KDM5C: variants seen among roughly 807,000 people sequenced by gnomAD.
The protein encoded by KDM5C is lysine-specific demethylase 5C.
A neutral mutation model predicts 110.6 loss-of-function variants in KDM5C; 16 were observed. The observed-to-expected ratio is 0.14, with a 90% CI of 0.10 to 0.22. The LOEUF is 0.22. KDM5C is among the 10% of genes least tolerant of loss of function. The pLI is 1.00. For missense variants in KDM5C, 681 were observed against 1,300.9 expected (o/e 0.52, Z 7.33); for synonymous variants, 511 against 520.4 (o/e 0.98, Z 0.24).
At chrX:53,218,590 T>C in intron 2 of KDM5C, 192 bp from the exon 3 acceptor site, 2 of 521,793 alleles carry the variant, frequency 3.8e-6, no homozygotes, top group Non-Finnish European at 6.6e-6. Flanking sequence ...TCGTTTTTGT[T>C]TTTTTGAGAC....
chrX:53,191,269 A>G (rs1384570850), downstream of KDM5C: 3 of 169,925 alleles, frequency 1.8e-5, no homozygotes, highest in Admixed American at 2.4e-4. Context: ...CTATGGGACC[A>G]TTAATGGGCT....
chrX:53,208,918 C>T (rs1021645137), intron 12 of KDM5C, among the ~76,000 whole-genome samples: 2 of 99,825 alleles, frequency 2.0e-5, no homozygotes, highest in African/African-American at 3.7e-5. Context: ...CGGGTTCAAG[C>T]GATTCTCCTG....
chrX:53,197,728 C>T, intron 18 of KDM5C, 43 bp downstream of exon 18: 1 of 1,060,372 alleles, frequency 9.4e-7, no homozygotes, highest in Non-Finnish European at 1.3e-6. Flanking sequence ...GCTCAGGTCC[C>T]CTGGTCCCCT....
At chrX:53,199,984 G>A (rs1198137852) in intron 14 of KDM5C, among the ~76,000 whole-genome samples, 3 of 111,068 alleles carry the variant, frequency 2.7e-5, no homozygotes, top group African/African-American at 9.8e-5. Flanking sequence ...TAACGTCTCT[G>A]GGTCTGTTTC....
At chrX:53,211,110 A>G (rs1023071935) in intron 10 of KDM5C, among the ~76,000 whole-genome samples, 3 of 112,074 alleles carry the variant, frequency 2.7e-5, no homozygotes, top group Non-Finnish European at 3.8e-5. Context: ...AGTTAAAAAA[A>G]TCCTGCTCTG....
chrX:53,223,759 C>T (rs782230667), intron 1 of KDM5C, among the ~76,000 whole-genome samples: 4 of 111,590 alleles, frequency 3.6e-5, no homozygotes, highest in Non-Finnish European at 7.5e-5. Flanking sequence ...GACAGAATTC[C>T]ATGGCTCCAT....
At position 53,224,977 on chromosome X, in the gene KDM5C, T is replaced by C; in HGVS notation, c.-88A>G. ...CCGCCGCTGTTTGAAGCCGAGGCAA[T>C]GCTCGGAGGCTAGGCCCTAAGCGGG... On this transcript the variant is annotated 5_prime_UTR_variant, in exon 1 of 26. Transcript: ENST00000375401. 1.9e-6 allele frequency: 2 copies of C among 1,048,513 alleles called. No individual in the cohort carries two copies. Among genetic ancestry groups the C allele is most frequent in the Non-Finnish European group, 2.5e-6 (2 of 793,809 alleles). The allele number at this position is 1,048,513 out of a possible 1,213,427, so 86.4% of individuals were successfully genotyped here. A position where few individuals can be genotyped will look rare whatever the true frequency, so the allele number is the denominator to read the frequency against.
chrX:53,209,866 T>A (rs781831599), intron 12 of KDM5C, among the ~76,000 whole-genome samples: 1 of 112,517 alleles, frequency 8.9e-6, no homozygotes, highest in South Asian at 3.7e-4. Context: ...TTTGACCTGT[T>A]AAATAAAAAG....
At chrX:53,215,621 GCT>G (rs782565173) in intron 7 of KDM5C, 172 bp downstream of exon 7, 44 of 493,899 alleles carry the variant, frequency 8.9e-5, no homozygotes, top group Admixed American at 8.3e-4. Flanking sequence ...ACCCTTTCTT[GCT>G]CTTTGTTCCA....
chrX:53,201,485 G>A, intron 14 of KDM5C, 65 bp downstream of exon 14: 1 of 1,053,109 alleles, frequency 9.5e-7, no homozygotes, highest in African/African-American at 1.8e-5. Context: ...CATCTTCTTG[G>A]TGCTGCCTCT....
chrX:53,177,904 G>A (rs1355725693), intron 25 of KDM5C, among the ~76,000 whole-genome samples: 2 of 111,772 alleles, frequency 1.8e-5, no homozygotes, highest in African/African-American at 6.5e-5. Context: ...TGTCACCAAG[G>A]CTGGAGTACA....
chrX:53,217,798 C>A lies in KDM5C; in HGVS notation c.520G>T (p.Val174Leu), dbSNP rs1556852749. The change falls in exon 4 of 26, where the codon GTG becomes TTG. Residue 174 changes from valine to leucine, a missense_variant and splice_region_variant. Val to Leu is a conservative substitution (Grantham distance 32, BLOSUM62 1). This residue lies in a region of KDM5C where 55 missense variants were observed against 118.0 expected (regional missense o/e 0.47). Transcript: ENST00000375401. ...YEMYQSGANL[V>L]QCNTRPFDNE... ...CTGCCCCACTGTGACATCCTTACCA[C>A]AAGGTTGGCTCCAGACTGGTACATT... 8.3e-7 allele frequency: 1 copy of A among 1,211,416 alleles called. No homozygotes were observed. The highest frequency in any genetic ancestry group is 1.1e-6 in the Non-Finnish European group (1 of 895,203).
chrX:53,210,011 A>G (rs2073511147), intron 12 of KDM5C, among the ~76,000 whole-genome samples: 1 of 112,398 alleles, frequency 8.9e-6, no homozygotes, highest in South Asian at 3.7e-4. Context: ...ACCATCCAAA[A>G]TAAGAATTAC....
chrX:53,176,607 C>A (rs1486653804), exon 26 of KDM5C, among the ~76,000 whole-genome samples: 1 of 111,744 alleles, frequency 8.9e-6, no homozygotes, highest in Admixed American at 9.6e-5. Context: ...CTCTGGGAGG[C>A]CTGATGGTTG....
rs1934911359 is a variant in KDM5C, at chrX:53,197,006, A to C, written c.2661T>G (p.Ala887=). 8.4e-7 allele frequency: 1 copy of C among 1,193,091 alleles called. No homozygotes were observed. Among genetic ancestry groups the C allele is most frequent in the African/African-American group, 1.7e-5 (1 of 57,436 alleles). The part of the protein sequence containing the change: ...LEQVEAYQAE[A]REALASLPSS... ...AGGGCAGTGAGGCCAGGGCCTCACG[A>C]GCCTCAGCCTGGTAGGCCTCCACCT... Residue 887 remains alanine, a synonymous_variant, in exon 19 of 26, where the codon GCT becomes GCG. Transcript: ENST00000375401.
intron 25 of KDM5C, among the ~76,000 whole-genome samples, chrX:53,178,655 ACTATAAAACCC>A (rs1482512177): frequency 1.8e-5 from 2 of 112,342 alleles, no homozygotes; most frequent in Non-Finnish European, 3.8e-5. Context: ...AAAATGCAAA[ACTATAAAACCC>A]CTAGAAGATA....
At chrX:53,188,812 CT>C (rs781958731), downstream of KDM5C, among the ~76,000 whole-genome samples, 1 of 112,003 alleles carries the variant, frequency 8.9e-6, no homozygotes, top group East Asian at 2.8e-4. Context: ...TACTTGTTTG[CT>C]GTGATGAAGC....
chrX:53,199,240 T>C (rs781917021), intron 14 of KDM5C, 82 bp from the exon 15 acceptor site: 5 of 997,496 alleles, frequency 5.0e-6, no homozygotes, highest in Non-Finnish European at 7.1e-6. Context: ...CGACCCCTAC[T>C]TTAGATTCAA....
chrX:53,218,743 T>C, intron 2 of KDM5C: 1 of 301,163 alleles, frequency 3.3e-6, no homozygotes, highest in Non-Finnish European at 6.3e-6. Context: ...GCCCGGCTAA[T>C]TTTGTATTTT....
Sources: allele counts gnomAD v4.1 joint callset (sites outside exome capture counted in the v4.1 genomes callset), GRCh38; gene constraint gnomAD v4.1.1; regional missense constraint gnomAD v4.1.1; transcripts MANE v1.5; gene names NCBI Gene and HGNC (gene_info 2026-07-23, HGNC 2026-07-21).